The following NR1H4 variants were observed in gnomAD, a reference collection of about 807,000 sequenced individuals.
NR1H4 encodes nuclear receptor subfamily 1 group H member 4.
A neutral mutation model predicts 58.5 loss-of-function variants in NR1H4; 23 were observed. The observed-to-expected ratio is 0.39, with a 90% CI of 0.28 to 0.56. NR1H4 has a LOEUF of 0.56. Ranked by LOEUF, NR1H4 falls within the 20% of genes least tolerant of loss-of-function variation. The pLI is 0.58. For synonymous variants in NR1H4, 214 were observed against 198.0 expected (o/e 1.08, Z -0.68); for missense variants, 487 against 576.9 (o/e 0.84, Z 1.60).
At chr12:100,540,627 ATATTGT>A (rs774119003) in intron 8 of NR1H4, 39 bp from the exon 9 acceptor site, 1 of 1,594,204 alleles carries the variant, frequency 6.3e-7, no homozygotes, top group Admixed American at 1.7e-5. Context: ...TGATCATGAA[ATATTGT>A]TACTCCTTGA....
At chr12:100,507,919 G>A (rs1363824615) in intron 3 of NR1H4, among the ~76,000 whole-genome samples, 1 of 152,108 alleles carries the variant, frequency 6.6e-6, no homozygotes, top group African/African-American at 2.4e-5. Flanking sequence ...TGGCAGTGTA[G>A]AAAAGCCCTA....
At chr12:100,548,939 C>T (rs990465753) in intron 9 of NR1H4, among the ~76,000 whole-genome samples, 4 of 152,018 alleles carry the variant, frequency 2.6e-5, no homozygotes, top group African/African-American at 9.7e-5. Flanking sequence ...TCATAGTGTC[C>T]CTCTGTGTCA....
chr12:100,533,942 T>C lies in NR1H4; in HGVS notation c.599-948T>C, dbSNP rs960360881. ...TCTCGCTCTGTCGCCCAGGCCGGAC[T>C]GCGGACTGCAGTGGCGCAATCTCGG... On this transcript the variant is annotated intron_variant, in intron 5 of 10. Coordinates refer to ENST00000392986, the MANE Select transcript of NR1H4 (RefSeq NM_001206979.2). 5.9e-5 allele frequency among the ~76,000 whole-genome samples: 9 copies of C among 151,506 alleles called. No homozygotes were observed. In the East Asian group the frequency reaches 1.7e-3, roughly 29 times the overall value.
chr12:100,543,280 G>A (rs1321415803), intron 9 of NR1H4, among the ~76,000 whole-genome samples: 1 of 152,058 alleles, frequency 6.6e-6, no homozygotes, highest in Non-Finnish European at 1.5e-5. Flanking sequence ...TTGGATGCTG[G>A]GCTAATGATT....
intron 1 of NR1H4, among the ~76,000 whole-genome samples, chr12:100,483,888 G>T (rs1953433715): frequency 6.6e-6 from 1 of 151,274 alleles, no homozygotes; most frequent in Non-Finnish European, 1.5e-5. Flanking sequence ...GGAGGCTGAG[G>T]CAGGAGAATC....
At chr12:100,537,186 C>A in intron 8 of NR1H4, 139 bp downstream of exon 8, 2 of 632,806 alleles carry the variant, frequency 3.2e-6, no homozygotes, top group Non-Finnish European at 2.8e-6. Flanking sequence ...TATTACTTTG[C>A]CAAGTATTTT....
At chr12:100,560,615 G>A (rs1236923249) in intron 9 of NR1H4, among the ~76,000 whole-genome samples, 1 of 152,174 alleles carries the variant, frequency 6.6e-6, no homozygotes, top group Non-Finnish European at 1.5e-5. Flanking sequence ...CTCCAGATGT[G>A]CCACCTTAAG....
intron 4 of NR1H4, among the ~76,000 whole-genome samples, chr12:100,522,603 GT>G: frequency 6.7e-6 from 1 of 149,704 alleles, no homozygotes; most frequent in South Asian, 2.1e-4. Flanking sequence ...ATGGTTTTTT[GT>G]TACATGAATG....
chr12:100,545,679 G>A (rs1232486682), intron 9 of NR1H4, among the ~76,000 whole-genome samples: 4 of 147,882 alleles, frequency 2.7e-5, no homozygotes, highest in African/African-American at 5.2e-5. Flanking sequence ...ACCAAACGGG[G>A]GGCATATATG....
intron 1 of NR1H4, among the ~76,000 whole-genome samples, chr12:100,484,508 C>T (rs1483145585): frequency 6.6e-6 from 1 of 152,160 alleles, no homozygotes; most frequent in African/African-American, 2.4e-5. Flanking sequence ...TAAATGAAGA[C>T]TTAGGTTACA....
rs564110882 is a variant in NR1H4, at chr12:100,505,716, T to A, written c.80-5062T>A. On this transcript the variant is annotated intron_variant, in intron 3 of 10. Coordinates refer to ENST00000392986, the MANE Select transcript of NR1H4 (RefSeq NM_001206979.2). Reference sequence around the variant, plus strand: ...ATTCCAAAATAAAGATTCCTAAATCTAAATTTTAATATGTATTTTCCCTTT... The same window carrying A: ...ATTCCAAAATAAAGATTCCTAAATCAAAATTTTAATATGTATTTTCCCTTT... 3.8e-5 allele frequency: 24 copies of A among 635,248 alleles called. No homozygotes were observed. The African/African-American group carries it at 4.0e-4, about 11-fold the overall frequency. 39.4% of individuals were successfully genotyped at this position (635,248 alleles called of 1,614,324 possible).
At chr12:100,491,228 G>A (rs1953598578) in intron 1 of NR1H4, among the ~76,000 whole-genome samples, 1 of 152,032 alleles carries the variant, frequency 6.6e-6, no homozygotes, top group East Asian at 1.9e-4. Context: ...TGCTCTGGCT[G>A]TTCCTTCCAC....
At chr12:100,563,146 C>A in intron 10 of NR1H4, 105 bp from the exon 11 acceptor site, 3 of 884,774 alleles carry the variant, frequency 3.4e-6, no homozygotes, top group Non-Finnish European at 5.5e-6. Flanking sequence ...ATTTTGTGTA[C>A]AACATTTAAC....
chr12:100,514,291 A>C (rs960514372), intron 4 of NR1H4, among the ~76,000 whole-genome samples: 19 of 152,154 alleles, frequency 1.2e-4, no homozygotes, highest in African/African-American at 4.1e-4. Context: ...AATTCTGTGA[A>C]TCTGTAGTAC....
At chr12:100,484,129 T>C (rs2136081478) in intron 1 of NR1H4, among the ~76,000 whole-genome samples, 1 of 152,210 alleles carries the variant, frequency 6.6e-6, no homozygotes, top group Middle Eastern at 3.4e-3. Context: ...TCCAACAAAG[T>C]GTATACTTTC....
intron 9 of NR1H4, among the ~76,000 whole-genome samples, chr12:100,547,291 G>C (rs1340449786): frequency 6.6e-6 from 1 of 152,126 alleles, no homozygotes; most frequent in Non-Finnish European, 1.5e-5. Context: ...ATTGTCACAA[G>C]AAACAAAGCT....
intron 4 of NR1H4, among the ~76,000 whole-genome samples, chr12:100,525,961 C>T (rs1016084850): frequency 5.3e-5 from 8 of 152,040 alleles, no homozygotes; most frequent in African/African-American, 1.9e-4. Flanking sequence ...GGATTAGTAA[C>T]GATGGGCCTC....
chr12:100,519,058 G>A (rs970190882), intron 4 of NR1H4, among the ~76,000 whole-genome samples: 6 of 152,180 alleles, frequency 3.9e-5, no homozygotes, highest in East Asian at 1.9e-4. Context: ...AAAGTGCTGC[G>A]GTTGCAGGCA....
In NR1H4 at chr12:100,493,476, T is replaced by A. The variant is rs1355967680; in HGVS notation, c.79+74T>A. On this transcript the variant is annotated intron_variant, in intron 3 of 10. Coordinates refer to ENST00000392986, the MANE Select transcript of NR1H4 (RefSeq NM_001206979.2). ...GGAAATACATGAGGAAATGCCTAGATGATGAGTCCAGCCCAGGGTCAAGAA... is the reference window on the plus strand; with the variant it reads ...GGAAATACATGAGGAAATGCCTAGAAGATGAGTCCAGCCCAGGGTCAAGAA... 2.5e-5 allele frequency: 19 copies of A among 768,404 alleles called. No individual in the cohort carries two copies. In the Admixed American group the frequency reaches 3.8e-4, roughly 15 times the overall value. 47.6% of individuals were successfully genotyped at this position (768,404 alleles called of 1,614,324 possible). A position where few individuals can be genotyped will look rare whatever the true frequency, so the allele number is the denominator to read the frequency against.
Sources: gnomAD v4.1 joint callset for allele counts (sites outside exome capture counted in the v4.1 genomes callset) on GRCh38, gnomAD v4.1.1 for gene constraint, MANE v1.5 for transcripts, NCBI Gene and HGNC (gene_info 2026-07-23, HGNC 2026-07-21) for gene names.